CEP112: variants seen among roughly 807,000 people sequenced by gnomAD.
The protein encoded by CEP112 is centrosomal protein of 112 kDa.
In CEP112, 127 loss-of-function variants were observed where a neutral mutation model predicts 153.0. The observed-to-expected ratio is 0.83, with a 90% CI of 0.72 to 0.96. CEP112 has a LOEUF of 0.96. CEP112 is among the 40% of genes least tolerant of loss of function. CEP112 has a pLI of 0.00. For synonymous variants in CEP112, 358 were observed against 374.4 expected, an observed-to-expected ratio of 0.96 and a Z score of 0.51; for missense variants, 1,089 against 1,101.2, an observed-to-expected ratio of 0.99 and a Z score of 0.16.
At chr17:65,699,588 G>A (rs1341256716) in intron 23 of CEP112, among the ~76,000 whole-genome samples, 4 of 152,046 alleles carry the variant, frequency 2.6e-5, no homozygotes, top group African/African-American at 7.2e-5. Context: ...GTCTTTACCC[G>A]TTTGCCCTTC....
chr17:66,054,392 A>G (rs1048798573), intron 11 of CEP112, among the ~76,000 whole-genome samples: 6 of 152,228 alleles, frequency 3.9e-5, no homozygotes, highest in Admixed American at 3.9e-4. Context: ...AGACAAAAAG[A>G]TCACATTTAT....
intron 20 of CEP112, among the ~76,000 whole-genome samples, chr17:65,889,239 C>T (rs1194508220): frequency 1.3e-5 from 2 of 152,098 alleles, no homozygotes; most frequent in Non-Finnish European, 2.9e-5. Context: ...TCGTTTTCCA[C>T]CTCTAAAATG....
At chr17:65,637,504 G>A (rs1431025447) in intron 25 of CEP112, among the ~76,000 whole-genome samples, 2 of 152,148 alleles carry the variant, frequency 1.3e-5, no homozygotes. Context: ...TTCTCGCTCC[G>A]TTGCTCTTTG....
At chr17:66,041,651 T>C (rs1358175437) in intron 12 of CEP112, among the ~76,000 whole-genome samples, 1 of 152,160 alleles carries the variant, frequency 6.6e-6, no homozygotes, top group East Asian at 1.9e-4. Context: ...TCCGTATTGA[T>C]GGGGCCATGT....
At chr17:66,087,844 A>C (rs1005454208) in intron 8 of CEP112, among the ~76,000 whole-genome samples, 2 of 152,084 alleles carry the variant, frequency 1.3e-5, no homozygotes, top group African/African-American at 4.8e-5. Context: ...GAGGGAAGAA[A>C]GGTGAGCACT....
intron 17 of CEP112, among the ~76,000 whole-genome samples, chr17:65,973,805 C>A (rs980990131): frequency 6.6e-6 from 1 of 152,042 alleles, no homozygotes; most frequent in African/African-American, 2.4e-5. Flanking sequence ...TATGTTCACA[C>A]GTATATCTTT....
chr17:66,061,904 C>T (rs907103749), intron 11 of CEP112, among the ~76,000 whole-genome samples: 2 of 152,028 alleles, frequency 1.3e-5, no homozygotes, highest in African/African-American at 4.8e-5. Context: ...CCCCATAATC[C>T]CTATGTGTCA....
intron 4 of CEP112, among the ~76,000 whole-genome samples, chr17:66,151,995 A>G (rs1460568805): frequency 2.0e-5 from 3 of 152,260 alleles, no homozygotes; most frequent in African/African-American, 7.2e-5. Flanking sequence ...GTTGCCTAGC[A>G]CATACTTAGA....
chr17:66,172,589 C>A (rs1288147831), intron 4 of CEP112, among the ~76,000 whole-genome samples: 9 of 152,180 alleles, frequency 5.9e-5, no homozygotes, highest in Non-Finnish European at 2.9e-5. Context: ...TCAAAAAAGT[C>A]AATGGCTAAT....
At chr17:66,093,036 A>G (rs1485481579) in intron 8 of CEP112, among the ~76,000 whole-genome samples, 2 of 152,134 alleles carry the variant, frequency 1.3e-5, no homozygotes, top group Non-Finnish European at 2.9e-5. Context: ...CAAGGGAAAT[A>G]AATAAAAGGG....
chr17:65,834,961 C>T (rs1370502231), intron 21 of CEP112, among the ~76,000 whole-genome samples: 4 of 152,026 alleles, frequency 2.6e-5, no homozygotes, highest in African/African-American at 9.7e-5. Flanking sequence ...TCACCAATGA[C>T]AAACTGGATA....
chr17:65,937,314 T>C, intron 18 of CEP112, among the ~76,000 whole-genome samples: 4 of 87,426 alleles, frequency 4.6e-5, no homozygotes, highest in African/African-American at 1.7e-4. Flanking sequence ...CCGGCCGCCA[T>C]CCCATCTAGG....
chr17:65,882,349 T>A (rs560568094), intron 20 of CEP112, among the ~76,000 whole-genome samples: 11 of 152,256 alleles, frequency 7.2e-5, no homozygotes, highest in Non-Finnish European at 1.6e-4. Flanking sequence ...CTTCAACAGC[T>A]AGCAATGTGC....
intron 19 of CEP112, among the ~76,000 whole-genome samples, chr17:65,922,457 C>T (rs1031820105): frequency 6.6e-6 from 1 of 151,890 alleles, no homozygotes; most frequent in Admixed American, 6.6e-5. Context: ...TTTTCCTTGG[C>T]GTTTTTTTCT....
intron 23 of CEP112, among the ~76,000 whole-genome samples, chr17:65,724,584 A>G (rs913842048): frequency 6.6e-6 from 1 of 152,226 alleles, no homozygotes; most frequent in Admixed American, 6.5e-5. Flanking sequence ...AAATATACTT[A>G]TATATGCATA....
chr17:66,025,496 G>T (rs1043793286), intron 16 of CEP112, among the ~76,000 whole-genome samples: 36 of 152,174 alleles, frequency 2.4e-4, no homozygotes, highest in South Asian at 6.2e-4. Context: ...CAAAGGGCAT[G>T]AGTAGACATT....
chr17:65,706,621 C>T (rs959869470), intron 23 of CEP112, among the ~76,000 whole-genome samples: 3 of 152,222 alleles, frequency 2.0e-5, no homozygotes, highest in Non-Finnish European at 4.4e-5. Flanking sequence ...CCACTCACCC[C>T]TTTGCCTCAA....
At chr17:66,024,230 T>C (rs967346078) in intron 16 of CEP112, among the ~76,000 whole-genome samples, 2 of 152,018 alleles carry the variant, frequency 1.3e-5, no homozygotes, top group South Asian at 2.1e-4. Context: ...CAGGGAAAAG[T>C]TGAAAGTAAT....
At chr17:66,122,272 T>C (rs952480908) in intron 6 of CEP112, among the ~76,000 whole-genome samples, 1 of 152,154 alleles carries the variant, frequency 6.6e-6, no homozygotes, top group Non-Finnish European at 1.5e-5. Context: ...TTTTGAAGTC[T>C]TTGTTTGTTA....
Sources: gnomAD v4.1 joint callset for allele counts (sites outside exome capture counted in the v4.1 genomes callset) on GRCh38, gnomAD v4.1.1 for gene constraint, MANE v1.5 for transcripts, NCBI Gene and HGNC (gene_info 2026-07-23, HGNC 2026-07-21) for gene names.